The following ASIC1 variants were observed in gnomAD, a reference collection of about 807,000 sequenced individuals.
ASIC1 encodes the protein acid-sensing ion channel 1.
ASIC1 carries 21 observed loss-of-function variants against 63.4 expected under a neutral mutation model. The ratio of observed to expected loss-of-function variants is 0.33; its 90% CI spans 0.23 to 0.48. The LOEUF (loss-of-function observed/expected upper bound fraction) is 0.48, where lower values mean the gene tolerates loss of function less well. ASIC1 is among the 20% of genes least tolerant of loss of function. The pLI, the probability that ASIC1 is intolerant of heterozygous loss-of-function variation, is 0.99. For synonymous variants in ASIC1, 258 were observed against 278.2 expected (o/e 0.93, Z 0.72); for missense variants, 478 against 695.5 (o/e 0.69, Z 3.52).
intron 3 of ASIC1, among the ~76,000 whole-genome samples, chr12:50,071,055 T>C (rs1475993626): frequency 6.6e-6 from 1 of 152,214 alleles, no homozygotes; most frequent in East Asian, 1.9e-4. Context: ...CTGGACCCTT[T>C]AGTCTATTCC....
At position 50,059,974 on chromosome 12, in the gene ASIC1, G is replaced by T. The variant is rs200949254; in HGVS notation, c.558+20G>T. On this transcript the variant is annotated intron_variant, in intron 3 of 11. Coordinates refer to ENST00000447966, the MANE Select transcript of ASIC1 (RefSeq NM_001095.4). The surrounding 1 kb of genome is among the most constrained non-coding windows in gnomAD (Gnocchi z 4.6). ...AAGGTGGTGAGTCCCCTCGTGTGGGGTGTGAGTCAGCCTGGCCCACAGAGG... is the reference window on the plus strand; with the variant it reads ...AAGGTGGTGAGTCCCCTCGTGTGGGTTGTGAGTCAGCCTGGCCCACAGAGG... 2 of 1,610,968 alleles carry T rather than the reference G, an allele frequency of 1.2e-6. No homozygotes were observed. The highest frequency in any genetic ancestry group is 1.7e-6 in the Non-Finnish European group (2 of 1,178,238).
intron 1 of ASIC1, among the ~76,000 whole-genome samples, 151 bp from the exon 2 acceptor site, chr12:50,058,600 C>T (rs895378939): frequency 6.6e-6 from 1 of 152,206 alleles, no homozygotes; most frequent in Non-Finnish European, 1.5e-5. Context: ...GTCCCTTGGT[C>T]AGCCACCTCT....
chr12:50,081,672 AG>A lies in ASIC1; in HGVS notation c.*25del. ...TGAGCCCCGCAGGCCGCTGAACCAA[AG>A]GCCTAGATGGGGAGGACTAGGAGAG... On this transcript the variant is annotated 3_prime_UTR_variant, in exon 12 of 12. Transcript: ENST00000447966. The A allele has an allele frequency of 6.2e-7, 1 of 1,609,400 alleles. No homozygotes were observed. The highest frequency in any genetic ancestry group is 8.5e-7 in the Non-Finnish European group (1 of 1,177,360).
rs73299544 is a variant in ASIC1, at chr12:50,078,153, C to T, written c.837+26C>T. The T allele has an allele frequency of 5.3e-3, 8,561 of 1,604,936 alleles. 410 individuals carry two copies. The African/African-American group carries it at 0.1, about 19-fold the overall frequency. On this transcript the variant is annotated intron_variant, in intron 5 of 11. Coordinates refer to ENST00000447966, the MANE Select transcript of ASIC1 (RefSeq NM_001095.4). This position sits in a 1 kb window ranked among gnomAD's most constrained non-coding sequence, Gnocchi z 6.0. ...GTGAGAGGGCCATGGGAGGCTGGTCCTGGGGTGGGGTATTGAGGGGTCCAG... is the reference window on the plus strand; with the variant it reads ...GTGAGAGGGCCATGGGAGGCTGGTCTTGGGGTGGGGTATTGAGGGGTCCAG...
intron 3 of ASIC1, among the ~76,000 whole-genome samples, chr12:50,066,374 A>G (rs187957991): frequency 1.6e-3 from 243 of 152,152 alleles, no homozygotes; most frequent in African/African-American, 5.1e-3. Flanking sequence ...AGGAGTGTGT[A>G]TGGAGGAGGG....
rs1950638663 is a variant in ASIC1 at position 50,074,883 on chromosome 12, TGTGTGTGTGTGTGTG to T, written c.559-2329_559-2315del. Among the ~76,000 whole-genome samples the T allele has an allele frequency of 6.6e-6, 1 of 151,338 alleles. No homozygotes were observed. Among genetic ancestry groups the T allele is most frequent in the African/African-American group, 2.4e-5 (1 of 41,140 alleles). On this transcript the variant is annotated intron_variant, in intron 3 of 11. Coordinates refer to ENST00000447966, the MANE Select transcript of ASIC1 (RefSeq NM_001095.4). The surrounding 1 kb of genome is among the most constrained non-coding windows in gnomAD (Gnocchi z 4.2). ...CTCTGTGTGTGTGTGTGTGTGTGTG[TGTGTGTGTGTGTGTG>T]TGTGTGTGTCTGAGGGTAAATAACA...
At chr12:50,065,958 C>G (rs1950541462) in intron 3 of ASIC1, among the ~76,000 whole-genome samples, 1 of 152,214 alleles carries the variant, frequency 6.6e-6, no homozygotes, top group Non-Finnish European at 1.5e-5. Context: ...GCGCCCCGAG[C>G]ATGCAAGCAC....
In ASIC1 at chr12:50,059,030, T is replaced by G; in HGVS notation, c.264T>G (p.Pro88=). ...DEVAASQLTF[P]AVTLCNLNEF... is the part of the protein sequence containing the mutation. ...TGGCTGCCTCTCAGCTTACCTTCCCTGCTGTCACGCTGTGCAACCTCAACG... is the reference window on the plus strand; with the variant it reads ...TGGCTGCCTCTCAGCTTACCTTCCCGGCTGTCACGCTGTGCAACCTCAACG... Residue 88 remains proline (P), a synonymous_variant, in exon 2 of 12, where the codon CCT becomes CCG. Transcript: ENST00000447966. The surrounding 1 kb of genome is among the most constrained non-coding windows in gnomAD (Gnocchi z 4.6). The G allele has an allele frequency of 1.2e-6, 2 of 1,614,170 alleles. No homozygotes were observed. Among genetic ancestry groups the G allele is most frequent in the Non-Finnish European group, 1.7e-6 (2 of 1,180,012 alleles).
chr12:50,073,513 ACATCGCCTTCC>A (rs1950619745), intron 3 of ASIC1: 1 of 1,442,906 alleles, frequency 6.9e-7, no homozygotes, highest in African/African-American at 1.4e-5. Context: ...GCCTGGAGTC[ACATCGCCTTCC>A]CCTCTGGCAC....
At chr12:50,058,132 C>A (rs967839916) in intron 1 of ASIC1, among the ~76,000 whole-genome samples, 8 of 151,900 alleles carry the variant, frequency 5.3e-5, no homozygotes, top group African/African-American at 1.5e-4. Context: ...ACCGCGCCCC[C>A]CCTCCATACA....
intron 3 of ASIC1, among the ~76,000 whole-genome samples, chr12:50,071,881 G>C (rs1448662113): frequency 6.6e-6 from 1 of 152,200 alleles, no homozygotes; most frequent in Non-Finnish European, 1.5e-5. Context: ...GAAACTGCAG[G>C]GAGGCAGGGA....
At position 50,081,566 on chromosome 12, in the gene ASIC1, G is replaced by A. The variant is rs1287483556; in HGVS notation, c.1504G>A (p.Gly502Ser). Residue 502 changes from glycine (G) to serine (S), a missense_variant, in exon 12 of 12, where the codon GGC (glycine) becomes AGC (serine). Transcript: ENST00000447966. The stretch of plus-strand genomic sequence containing the variant: ...CCAGAACCCGTGCGAGAGCCTTCGG[G>A]GCCACCCTGCCGGGATGACATACGC... ...KRHNPCESLR[G>S]HPAGMTYAAN... The A allele has an allele frequency of 5.6e-6, 9 of 1,613,984 alleles. No individual in the cohort carries two copies. Among genetic ancestry groups the A allele is most frequent in the Admixed American group, 3.3e-5 (2 of 60,000 alleles).
At position 50,058,738 on chromosome 12, in the gene ASIC1, C is replaced by T. The variant is rs772046691; in HGVS notation, c.-16-13C>T. The T allele has an allele frequency of 2.8e-5, 43 of 1,552,592 alleles. No individual in the cohort carries two copies. Among genetic ancestry groups the T allele is most frequent in the Non-Finnish European group, 3.6e-5 (41 of 1,146,330 alleles). On this transcript the variant is annotated splice_polypyrimidine_tract_variant and intron_variant, in intron 1 of 11. Transcript: ENST00000447966. ...CCAGGACAATGATAGACTGTCCCTC[C>T]CTCCTCCCCCAGGATCCCCTCAACA...
chr12:50,062,205 T>C (rs1950507180), intron 3 of ASIC1, among the ~76,000 whole-genome samples: 1 of 152,198 alleles, frequency 6.6e-6, no homozygotes, highest in South Asian at 2.1e-4. Context: ...GAGAAGGGCC[T>C]GGCAGTCTCT....
At chr12:50,076,432 ACT>A (rs1950655464) in intron 3 of ASIC1, among the ~76,000 whole-genome samples, 3 of 150,958 alleles carry the variant, frequency 2.0e-5, no homozygotes, top group Admixed American at 2.0e-4. Flanking sequence ...GCACCACTGC[ACT>A]CCAGCCTGGG....
chr12:50,058,698 A>G (rs914535312), intron 1 of ASIC1, 53 bp from the exon 2 acceptor site: 15 of 1,522,426 alleles, frequency 9.9e-6, no homozygotes, highest in Non-Finnish European at 1.3e-5. Context: ...GAGGGGCTCC[A>G]TGTGTACTTT....
Position 50,078,034 on chromosome 12 carries a change from G to T in ASIC1, c.744G>T (p.Gln248His), listed in dbSNP as rs764148500. The T allele has an allele frequency of 6.2e-7, 1 of 1,613,888 alleles. No homozygotes were observed. Among genetic ancestry groups the T allele is most frequent in the East Asian group, 2.2e-5 (1 of 44,882 alleles). ...CCTTCGAAGCAGGCATCAAAGTGCA[G>T]ATCCATAGTCAGGATGAACCTCCTT... ...ETSFEAGIKV[Q>H]IHSQDEPPFI... is the part of the protein sequence containing the mutation. The change falls in exon 5 of 12, where the codon CAG (glutamine) becomes CAT (histidine). Residue 248 changes from glutamine to histidine, a missense_variant. Gln to His is a conservative substitution (Grantham distance 24, BLOSUM62 0). Coordinates refer to ENST00000447966, the MANE Select transcript of ASIC1 (RefSeq NM_001095.4). The surrounding 1 kb of genome is among the most constrained non-coding windows in gnomAD (Gnocchi z 6.0).
chr12:50,060,626 A>T (rs1241266598), intron 3 of ASIC1, among the ~76,000 whole-genome samples: 1 of 152,228 alleles, frequency 6.6e-6, no homozygotes, highest in Non-Finnish European at 1.5e-5. Flanking sequence ...CGGGACACCC[A>T]GTCATGGCTG....
rs561382355 is a variant in ASIC1 at position 50,058,416 on chromosome 12, G to A, written c.-16-335G>A. On this transcript the variant is annotated intron_variant, in intron 1 of 11. Coordinates refer to ENST00000447966, the MANE Select transcript of ASIC1 (RefSeq NM_001095.4). ...GGGGTGGATATTCTTGTCCCAGAGT[G>A]ACCCCACATCTGGAGGGAACTCCTG... Among the ~76,000 whole-genome samples, 434 of 152,308 alleles carry A rather than the reference G, an allele frequency of 2.8e-3. 3 individuals carry two copies. Among genetic ancestry groups the A allele is most frequent in the African/African-American group, 0.01 (417 of 41,564 alleles).
Sources: gnomAD v4.1 joint callset for allele counts (sites outside exome capture counted in the v4.1 genomes callset) on GRCh38, gnomAD v4.1.1 for gene constraint, Gnocchi (gnomAD v3.1) non-coding constraint, MANE v1.5 for transcripts, NCBI Gene and HGNC (gene_info 2026-07-23, HGNC 2026-07-21) for gene names.